The following CACNB2 variants were observed in gnomAD, a reference collection of about 807,000 sequenced individuals.
CACNB2 encodes voltage-dependent L-type calcium channel subunit beta-2.
In CACNB2, 42 loss-of-function variants were observed where a neutral mutation model predicts 73.3. That is an observed-to-expected ratio of 0.57 (90% confidence interval 0.45 to 0.74). CACNB2 has a LOEUF of 0.74. Ranked by LOEUF, CACNB2 falls within the 30% of genes least tolerant of loss-of-function variation. The pLI is 0.00. For synonymous variants in CACNB2, 348 were observed against 310.3 expected, an observed-to-expected ratio of 1.12 and a Z score of -1.28; for missense variants, 940 against 853.0, an observed-to-expected ratio of 1.10 and a Z score of -1.27.
At position 18,503,531 on chromosome 10, in the gene CACNB2, G is replaced by A. The variant is rs2050322229; in HGVS notation, c.593+2583G>A. On this transcript the variant is annotated intron_variant, in intron 5 of 13. Coordinates refer to ENST00000324631, the MANE Select transcript of CACNB2 (RefSeq NM_201596.3). The stretch of plus-strand genomic sequence containing the variant: ...GAATCACTTCAACTTGGAAGGCGGA[G>A]GTTGCAGTGAGCCGAGATCATGTTC... Among the ~76,000 whole-genome samples the A allele has an allele frequency of 2.0e-5, 3 of 152,146 alleles. No homozygotes were observed. In the South Asian group the frequency reaches 6.2e-4, roughly 31 times the overall value.
At chr10:18,152,148 G>A (rs2131038744) in intron 2 of CACNB2, among the ~76,000 whole-genome samples, 1 of 152,250 alleles carries the variant, frequency 6.6e-6, no homozygotes, top group East Asian at 1.9e-4. Context: ...CATCGGTGGG[G>A]ATTTTGATCT....
At chr10:18,150,365 C>T (rs1217364015) in intron 1 of CACNB2, among the ~76,000 whole-genome samples, 1 of 152,146 alleles carries the variant, frequency 6.6e-6, no homozygotes, top group Admixed American at 6.5e-5. Context: ...AAATGCTTTG[C>T]CAAGAAAACC....
chr10:18,300,315 C>T (rs2039457239), intron 2 of CACNB2, among the ~76,000 whole-genome samples: 1 of 152,200 alleles, frequency 6.6e-6, no homozygotes, highest in Non-Finnish European at 1.5e-5. Context: ...AGCCACCACG[C>T]CCAGCGGTGT....
intron 2 of CACNB2, among the ~76,000 whole-genome samples, chr10:18,333,321 A>T (rs1291676677): frequency 1.3e-5 from 2 of 152,164 alleles, no homozygotes; most frequent in East Asian, 1.9e-4. Context: ...TTAGAGGGAT[A>T]AACTCTGAGG....
intron 3 of CACNB2, among the ~76,000 whole-genome samples, chr10:18,449,303 T>A (rs1323043030): frequency 1.3e-5 from 2 of 152,102 alleles, no homozygotes; most frequent in Admixed American, 1.3e-4. Context: ...GAGAATGGTG[T>A]GAACCTGGGA....
chr10:18,415,660 G>A (rs1367854838), intron 3 of CACNB2, among the ~76,000 whole-genome samples: 2 of 152,052 alleles, frequency 1.3e-5, no homozygotes, highest in African/African-American at 4.8e-5. Flanking sequence ...TTCTCTCTAA[G>A]GTTAGCAAGA....
chr10:18,447,017 G>A lies in CACNB2; in HGVS notation c.333+44974G>A, dbSNP rs556014430. ...GAGGCTGCAGTGAGGCTGTGATTAT[G>A]CCGTTGTACTCCACCCTGGGTGACA... On this transcript the variant is annotated intron_variant, in intron 3 of 13. Transcript: ENST00000324631. 1.2e-3 allele frequency among the ~76,000 whole-genome samples: 189 copies of A among 151,898 alleles called. 3 individuals carry two copies. Among genetic ancestry groups the A allele is most frequent in the African/African-American group, 4.4e-3 (181 of 41,410 alleles).
intron 2 of CACNB2, among the ~76,000 whole-genome samples, chr10:18,181,622 AT>A (rs1200211535): frequency 9.2e-6 from 1 of 108,584 alleles, no homozygotes; most frequent in Non-Finnish European, 1.9e-5. Context: ...ATTTTATTTT[AT>A]TTTATTTTTG....
intron 3 of CACNB2, among the ~76,000 whole-genome samples, chr10:18,493,278 C>A (rs972501032): frequency 2.0e-5 from 3 of 152,194 alleles, no homozygotes; most frequent in African/African-American, 7.2e-5. Context: ...AAGCAATTCT[C>A]CTGCCTCAGC....
intron 2 of CACNB2, among the ~76,000 whole-genome samples, chr10:18,284,582 T>G (rs891895591): frequency 1.3e-5 from 2 of 152,196 alleles, no homozygotes; most frequent in Non-Finnish European, 2.9e-5. Context: ...CAAAACTTTC[T>G]CCCATTCTGT....
intron 2 of CACNB2, among the ~76,000 whole-genome samples, chr10:18,193,517 T>G (rs2034497443): frequency 6.6e-6 from 1 of 152,088 alleles, no homozygotes; most frequent in Admixed American, 6.6e-5. Flanking sequence ...AGAAAAGAAA[T>G]CTCCAAGGAG....
chr10:18,336,902 C>A (rs920744625), intron 2 of CACNB2, among the ~76,000 whole-genome samples: 10 of 152,008 alleles, frequency 6.6e-5, no homozygotes, highest in African/African-American at 2.4e-4. Context: ...TAATACCAAC[C>A]CATTGTAGAA....
At chr10:18,307,519 A>G (rs2039782020) in intron 2 of CACNB2, among the ~76,000 whole-genome samples, 1 of 152,162 alleles carries the variant, frequency 6.6e-6, no homozygotes, top group South Asian at 2.1e-4. Flanking sequence ...ATATGTAACA[A>G]TTGTTTGTTT....
intron 2 of CACNB2, among the ~76,000 whole-genome samples, chr10:18,305,469 CAAT>C (rs1364751445): frequency 3.3e-5 from 5 of 152,122 alleles, no homozygotes; most frequent in African/African-American, 7.2e-5. Context: ...AAAATTAACT[CAAT>C]AATATCTCAG....
intron 2 of CACNB2, among the ~76,000 whole-genome samples, chr10:18,161,025 T>C (rs2032419636): frequency 6.6e-6 from 1 of 152,206 alleles, no homozygotes; most frequent in Non-Finnish European, 1.5e-5. Context: ...TGTCTCCCCC[T>C]ACCCGCCTCA....
At chr10:18,374,735 C>T (rs2042723774) in intron 2 of CACNB2, among the ~76,000 whole-genome samples, 1 of 152,164 alleles carries the variant, frequency 6.6e-6, no homozygotes, top group African/African-American at 2.4e-5. Flanking sequence ...AGCAGAATCA[C>T]AATGTAGCAC....
chr10:18,251,129 A>G (rs1336820939), intron 2 of CACNB2, among the ~76,000 whole-genome samples: 4 of 152,246 alleles, frequency 2.6e-5, no homozygotes, highest in African/African-American at 7.2e-5. Context: ...CACAGAATTC[A>G]TTCAGTGTCT....
chr10:18,286,602 A>G (rs2131733878), intron 2 of CACNB2, among the ~76,000 whole-genome samples: 1 of 150,824 alleles, frequency 6.6e-6, no homozygotes, highest in African/African-American at 2.4e-5. Context: ...ACCATCCGTC[A>G]TCAATCTTAA....
At chr10:18,231,430 C>T (rs1261208567) in intron 2 of CACNB2, among the ~76,000 whole-genome samples, 1 of 152,218 alleles carries the variant, frequency 6.6e-6, no homozygotes, top group African/African-American at 2.4e-5. Flanking sequence ...CCACCTGCCT[C>T]GGCCTCCCAA....
Sources: gnomAD v4.1 joint callset for allele counts (sites outside exome capture counted in the v4.1 genomes callset) on GRCh38, gnomAD v4.1.1 for gene constraint, MANE v1.5 for transcripts, NCBI Gene and HGNC (gene_info 2026-07-23, HGNC 2026-07-21) for gene names.